Variants in TANC2 observed in about 807,000 individuals in gnomAD.
TANC2 encodes protein TANC2.
TANC2 carries 26 observed loss-of-function variants against 210.5 expected under a neutral mutation model. That is an observed-to-expected ratio of 0.12 (90% CI 0.09 to 0.17). The LOEUF (loss-of-function observed/expected upper bound fraction) is 0.17, where lower values mean the gene tolerates loss of function less well. Among genes scored for constraint, TANC2 ranks in the 10% least tolerant of loss-of-function variants. TANC2 has a pLI of 1.00. For missense variants in TANC2, 2,129 were observed against 2,608.9 expected (o/e 0.82, Z 4.01); for synonymous variants, 931 against 967.1 (o/e 0.96, Z 0.69).
intron 2 of TANC2, among the ~76,000 whole-genome samples, chr17:63,055,687 T>C (rs1207160141): frequency 6.6e-6 from 1 of 151,488 alleles, no homozygotes; most frequent in East Asian, 1.9e-4. Context: ...GCCTTCTGTT[T>C]TGTCCATAAA....
At chr17:62,995,748 G>A (rs2143639737) in intron 1 of TANC2, among the ~76,000 whole-genome samples, 1 of 152,270 alleles carries the variant, frequency 6.6e-6, no homozygotes, top group Non-Finnish European at 1.5e-5. Flanking sequence ...GAAAGAGATT[G>A]CATAATTTGA....
chr17:63,367,017 A>G (rs749407014), intron 14 of TANC2, among the ~76,000 whole-genome samples: 4 of 152,258 alleles, frequency 2.6e-5, no homozygotes, highest in East Asian at 1.9e-4. Context: ...TTGTTAACCT[A>G]TTCTTAATAC....
At chr17:63,344,008 CA>C (rs1330099011) in intron 12 of TANC2, among the ~76,000 whole-genome samples, 1 of 152,206 alleles carries the variant, frequency 6.6e-6, no homozygotes, top group Non-Finnish European at 1.5e-5. Flanking sequence ...AATACTACAT[CA>C]GGGGTCCCCA....
chr17:63,256,741 T>A (rs1296030891), intron 8 of TANC2, among the ~76,000 whole-genome samples: 1 of 152,228 alleles, frequency 6.6e-6, no homozygotes, highest in Non-Finnish European at 1.5e-5. Context: ...TCTTTAGCTC[T>A]AATAATAATT....
chr17:63,223,183 G>A (rs549128783), intron 7 of TANC2, among the ~76,000 whole-genome samples: 1 of 152,270 alleles, frequency 6.6e-6, no homozygotes, highest in African/African-American at 2.4e-5. Context: ...CTGAATAGAG[G>A]TGATGGTTGC....
chr17:63,249,011 A>AGCTG (rs1471855567), intron 8 of TANC2, among the ~76,000 whole-genome samples: 3 of 152,194 alleles, frequency 2.0e-5, no homozygotes, highest in Non-Finnish European at 2.9e-5. Context: ...AAATAGATTC[A>AGCTG]GCTGCATACT....
In TANC2 at chr17:63,420,941, C is replaced by A; in HGVS notation, c.5211C>A (p.Val1737=). ...AGTCTTCACAAGGAGACATAGGAGT[C>A]AGCCAGAGCCGGTTGGTTTATCAAG... is the stretch of plus-strand genomic sequence containing the variant. The change falls in exon 28 of 28, where the codon GTC becomes GTA. Residue 1737 remains valine (V), a synonymous_variant. Coordinates refer to ENST00000689528, the Ensembl canonical transcript of TANC2. This position sits in a 1 kb window ranked among gnomAD's most constrained non-coding sequence, Gnocchi z 4.2. 6.2e-7 allele frequency: 1 copy of A among 1,614,044 alleles called. No homozygotes were observed. The highest frequency in any genetic ancestry group is 1.3e-5 in the African/African-American group (1 of 75,070).
At chr17:63,327,807 G>T (rs542791670) in intron 11 of TANC2, among the ~76,000 whole-genome samples, 2 of 152,036 alleles carry the variant, frequency 1.3e-5, no homozygotes, top group East Asian at 1.9e-4. Flanking sequence ...AAGTTTTAGG[G>T]TACATGTGCA....
intron 8 of TANC2, among the ~76,000 whole-genome samples, chr17:63,257,198 T>C (rs1357694556): frequency 3.3e-5 from 5 of 152,104 alleles, no homozygotes; most frequent in Non-Finnish European, 7.4e-5. Context: ...TTATTTTTTT[T>C]CTCATTGTTT....
intron 19 of TANC2, among the ~76,000 whole-genome samples, chr17:63,403,320 A>C (rs2048399422): frequency 6.6e-6 from 1 of 152,216 alleles, no homozygotes; most frequent in Non-Finnish European, 1.5e-5. Flanking sequence ...TTATCAACCT[A>C]GTAACTACTT....
At chr17:63,157,974 A>ATATC (rs2039894797) in intron 5 of TANC2, among the ~76,000 whole-genome samples, 1 of 152,186 alleles carries the variant, frequency 6.6e-6, no homozygotes, top group Non-Finnish European at 1.5e-5. Context: ...AGGTAAAGTT[A>ATATC]TATCTTTTTT....
At chr17:62,981,968 C>T (rs752394716) in intron 1 of TANC2, among the ~76,000 whole-genome samples, 2 of 152,174 alleles carry the variant, frequency 1.3e-5, no homozygotes, top group Non-Finnish European at 2.9e-5. Context: ...GGCACAAAGA[C>T]ATGTAGCAAA....
At chr17:63,217,747 A>T (rs749702101) in intron 7 of TANC2, among the ~76,000 whole-genome samples, 12 of 152,342 alleles carry the variant, frequency 7.9e-5, no homozygotes, top group Admixed American at 4.6e-4. Context: ...CCTAAGAACA[A>T]ACCAGACAAA....
intron 5 of TANC2, chr17:63,182,494 G>A: frequency 3.8e-6 from 1 of 264,376 alleles, no homozygotes; most frequent in South Asian, 5.5e-5. Flanking sequence ...TTTGGTGGAA[G>A]GGACCCATTT....
At chr17:63,236,928 A>C (rs543800679) in intron 7 of TANC2, among the ~76,000 whole-genome samples, 2 of 152,220 alleles carry the variant, frequency 1.3e-5, no homozygotes, top group East Asian at 3.9e-4. Context: ...TATCTTTGCT[A>C]TTGTAAATAG....
chr17:63,193,271 T>C (rs988014257), intron 5 of TANC2, among the ~76,000 whole-genome samples: 1 of 152,236 alleles, frequency 6.6e-6, no homozygotes, highest in African/African-American at 2.4e-5. Flanking sequence ...AGCCTTGTTT[T>C]TCTACCTTGA....
intron 1 of TANC2, among the ~76,000 whole-genome samples, chr17:63,001,795 G>A (rs540339079): frequency 2.0e-5 from 3 of 152,170 alleles, no homozygotes; most frequent in South Asian, 2.1e-4. Context: ...TGATCTGCCC[G>A]CCTCTACCTC....
At chr17:63,011,946 C>T (rs1226974618) in intron 2 of TANC2, among the ~76,000 whole-genome samples, 2 of 150,966 alleles carry the variant, frequency 1.3e-5, no homozygotes. Flanking sequence ...TCTACTTGGC[C>T]TATCCATTCT....
chr17:63,031,109 A>G (rs1332996520), intron 2 of TANC2, among the ~76,000 whole-genome samples: 1 of 29,826 alleles, frequency 3.4e-5, no homozygotes, highest in Admixed American at 6.0e-4. Flanking sequence ...TGCCTGGGAA[A>G]CCAACCAGCA....
Sources: gnomAD v4.1 joint callset for allele counts (sites outside exome capture counted in the v4.1 genomes callset) on GRCh38, gnomAD v4.1.1 for gene constraint, Gnocchi (gnomAD v3.1) non-coding constraint, MANE v1.5 for transcripts, NCBI Gene and HGNC (gene_info 2026-07-23, HGNC 2026-07-21) for gene names.